The following CERS5 variants were observed in gnomAD, a reference collection of about 807,000 sequenced individuals.
The protein encoded by CERS5 is LAG1 homolog, ceramide synthase 5.
Under a neutral mutation model 58.9 loss-of-function variants are expected in CERS5, and 37 were observed. The ratio of observed to expected loss-of-function variants is 0.63; its 90% CI spans 0.48 to 0.83. The LOEUF (loss-of-function observed/expected upper bound fraction) is 0.83, where lower values mean the gene tolerates loss of function less well. Among genes scored for constraint, CERS5 ranks in the 40% least tolerant of loss-of-function variants. CERS5 has a pLI of 0.00. For synonymous variants in CERS5, 147 were observed against 177.8 expected, an observed-to-expected ratio of 0.83 and a Z score of 1.38; for missense variants, 398 against 489.3, an observed-to-expected ratio of 0.81 and a Z score of 1.76.
chr12:50,144,208 C>T, intron 1 of CERS5, 151 bp from the exon 2 acceptor site: 5 of 559,894 alleles, frequency 8.9e-6, no homozygotes, highest in Non-Finnish European at 1.3e-5. Context: ...ATTACCATAT[C>T]CATCACTTTC....
At chr12:50,146,585 C>T (rs762855883) in intron 1 of CERS5, among the ~76,000 whole-genome samples, 6 of 152,140 alleles carry the variant, frequency 3.9e-5, no homozygotes, top group Non-Finnish European at 7.3e-5. Flanking sequence ...GACAGCCGGG[C>T]GCAGTGGCTC....
chr12:50,147,666 C>T (rs568236447), intron 1 of CERS5, among the ~76,000 whole-genome samples: 25 of 152,282 alleles, frequency 1.6e-4, no homozygotes, highest in African/African-American at 3.9e-4. Flanking sequence ...TGAATGCAGA[C>T]GCTGACATGA....
rs1376778611 is a variant in CERS5, at chr12:50,136,034, G to T, written c.672C>A (p.Thr224=). ...FLIMFVHHLV[T]IGLISFSYIN... is the part of the protein sequence containing the mutation. ...TGTAGGAGAAGGAGATAAGCCCAAT[G>T]GTGACCAAGTGATGCACAAACATGA... The change falls in exon 7 of 10, where the codon ACC becomes ACA. Residue 224 remains threonine (T), a synonymous_variant. Transcript: ENST00000317551. 2 of 1,508,410 alleles carry T rather than the reference G, an allele frequency of 1.3e-6. No individual in the cohort carries two copies. The highest frequency in any genetic ancestry group is 4.6e-5 in the East Asian group (2 of 43,586). The allele number at this position is 1,508,410 out of a possible 1,614,324, so 93.4% of individuals were successfully genotyped here. A position where few individuals can be genotyped will look rare whatever the true frequency, so the allele number is the denominator to read the frequency against.
chr12:50,163,928 A>G (rs1939583243), intron 1 of CERS5, among the ~76,000 whole-genome samples: 1 of 150,908 alleles, frequency 6.6e-6, no homozygotes, highest in South Asian at 2.1e-4. Flanking sequence ...TGCTGGGATT[A>G]CAGGCATGAG....
At chr12:50,148,946 A>ATATATATATATATATG (rs1420401358) in intron 1 of CERS5, among the ~76,000 whole-genome samples, 24 of 103,088 alleles carry the variant, frequency 2.3e-4, no homozygotes, top group African/African-American at 3.6e-4. Flanking sequence ...ATATATATAT[A>ATATATATATATATATG]TGTGTGTGTG....
chr12:50,148,919 A>ATAT (rs1555196134), intron 1 of CERS5, among the ~76,000 whole-genome samples: 4 of 70,886 alleles, frequency 5.6e-5, no homozygotes, highest in Non-Finnish European at 1.2e-4. Flanking sequence ...AAAAAAAAAA[A>ATAT]AAAAAAAAAT....
At chr12:50,135,644 A>T (rs911382902) in intron 8 of CERS5, 88 bp downstream of exon 8, 1 of 967,462 alleles carries the variant, frequency 1.0e-6, no homozygotes, top group African/African-American at 1.6e-5. Flanking sequence ...ATAGAATAGA[A>T]CAGAAAAACT....
intron 8 of CERS5, chr12:50,135,308 A>AGTGTGTGTGT (rs56858635): frequency 1.2e-4 from 20 of 168,926 alleles, no homozygotes; most frequent in Middle Eastern, 2.4e-3. Flanking sequence ...GAGAGAGAGG[A>AGTGTGTGTGT]GTGTGTGTGT....
intron 6 of CERS5, among the ~76,000 whole-genome samples, chr12:50,136,990 G>A (rs1459295804): frequency 6.6e-6 from 1 of 152,248 alleles, no homozygotes; most frequent in East Asian, 1.9e-4. Context: ...TAAAAATTGA[G>A]TATCAAGTTT....
At position 50,148,946 on chromosome 12, in the gene CERS5, A is replaced by ATGTGTG. The variant is rs1185465965; in HGVS notation, c.198-4895_198-4890dup. Among the ~76,000 whole-genome samples, 701 of 103,114 alleles carry ATGTGTG rather than the reference A, an allele frequency of 6.8e-3. 16 individuals carry two copies. The highest frequency in any genetic ancestry group is 0.027 in the African/African-American group (663 of 24,744). 67.6% of individuals were successfully genotyped at this position (103,114 alleles called of 152,430 possible). A position where few individuals can be genotyped will look rare whatever the true frequency, so the allele number is the denominator to read the frequency against. On this transcript the variant is annotated intron_variant, in intron 1 of 9. Coordinates refer to ENST00000317551, the MANE Select transcript of CERS5 (RefSeq NM_147190.5). ...AAAAAAAATATATATATATATATAT[A>ATGTGTG]TGTGTGTGTGTGTGTGTGTGTGTGC...
chr12:50,134,626 G>A lies in CERS5; in HGVS notation c.949C>T (p.Leu317=). Residue 317 remains leucine, a synonymous_variant, in exon 9 of 10, where the codon CTG becomes TTG. Transcript: ENST00000317551. ...ACATGCAGAAGCTGTAGGGTCAGCA[G>A]CAGGCCATTGAGGAGCCACCATGAA... ...YASWWLLNGL[L]LTLQLLHVIW... 6.2e-7 allele frequency: 1 copy of A among 1,614,168 alleles called. No homozygotes were observed. The highest frequency in any genetic ancestry group is 8.5e-7 in the Non-Finnish European group (1 of 1,180,024).
At chr12:50,138,404 G>GA (rs1379660951) in intron 5 of CERS5, among the ~76,000 whole-genome samples, 163 bp downstream of exon 5, 52 of 130,052 alleles carry the variant, frequency 4.0e-4, no homozygotes, top group Non-Finnish European at 6.5e-4. Context: ...GCAGTGGGGG[G>GA]GAAAAAAAAA....
Position 50,144,565 on chromosome 12 carries a change from A to T in CERS5, c.198-508T>A, listed in dbSNP as rs1188649921. 4 of 397,890 alleles carry T rather than the reference A, an allele frequency of 1.0e-5. No homozygotes were observed. In the East Asian group the frequency reaches 1.5e-4, roughly 15 times the overall value. 24.6% of individuals were successfully genotyped at this position (397,890 alleles called of 1,614,324 possible). ...AATTGGAGGGAAAAGTAGAACTGAG[A>T]CTAAGCTCTTCCTGCATATAGATAT... On this transcript the variant is annotated intron_variant, in intron 1 of 9. Transcript: ENST00000317551.
intron 1 of CERS5, among the ~76,000 whole-genome samples, chr12:50,146,336 C>G (rs1339223805): frequency 6.6e-6 from 1 of 152,208 alleles, no homozygotes; most frequent in Non-Finnish European, 1.5e-5. Flanking sequence ...TCTGGGTACT[C>G]TCTGGTACCT....
rs199588307 is a variant in CERS5, at chr12:50,134,691, G to A, written c.884C>T (p.Thr295Met). The A allele has an allele frequency of 1.5e-4, 236 of 1,613,592 alleles. No homozygotes were observed. The highest frequency in any genetic ancestry group is 3.3e-4 in the Middle Eastern group (2 of 6,082). The stretch of plus-strand genomic sequence containing the variant: ...TATCTCCCAACTCTCAAAGAGGGTC[G>A]TGTTCAGAATCCTAGAAGAGGGAGG... ...LGIYPFWILN[T>M]TLFESWEIIG... The change falls in exon 9 of 10, where the codon ACG becomes ATG. Residue 295 changes from threonine to methionine, a missense_variant. This residue lies in a region of CERS5 where 328 missense variants were observed against 384.5 expected (regional missense o/e 0.85). Transcript: ENST00000317551.
intron 9 of CERS5, 115 bp from the exon 10 acceptor site, chr12:50,130,809 C>A (rs1018417938): frequency 6.8e-6 from 6 of 876,716 alleles, no homozygotes; most frequent in Non-Finnish European, 8.5e-6. Context: ...CTGATGACAT[C>A]TAACTCAAAG....
At chr12:50,134,877 G>A in intron 8 of CERS5, 175 bp from the exon 9 acceptor site, 1 of 596,576 alleles carries the variant, frequency 1.7e-6, no homozygotes, top group Non-Finnish European at 2.9e-6. Context: ...AGCCTGTTGT[G>A]TTTTCTATCC....
chr12:50,138,666 C>T, intron 4 of CERS5, 49 bp from the exon 5 acceptor site: 2 of 1,489,280 alleles, frequency 1.3e-6, no homozygotes, highest in Non-Finnish European at 1.9e-6. Context: ...TCTCACCTGG[C>T]TTCAAGATCT....
At chr12:50,139,697 G>C (rs1380973450) in intron 4 of CERS5, among the ~76,000 whole-genome samples, 6 of 152,070 alleles carry the variant, frequency 3.9e-5, no homozygotes, top group African/African-American at 1.4e-4. Context: ...GAAGGCTGAG[G>C]CAGGACAATC....
Sources: gnomAD v4.1 joint callset for allele counts (sites outside exome capture counted in the v4.1 genomes callset) on GRCh38, gnomAD v4.1.1 for gene constraint, gnomAD v4.1.1 regional missense constraint, MANE v1.5 for transcripts, NCBI Gene and HGNC (gene_info 2026-07-23, HGNC 2026-07-21) for gene names.